The following BNIP2 variants were observed in gnomAD, a reference collection of about 807,000 sequenced individuals.
The protein encoded by BNIP2 is BCL2 interacting protein 2.
A neutral mutation model predicts 43.4 loss-of-function variants in BNIP2; 36 were observed. The observed-to-expected ratio is 0.83, with a 90% CI of 0.64 to 1.10. The LOEUF (loss-of-function observed/expected upper bound fraction) is 1.10, where lower values mean the gene tolerates loss of function less well. Ranked by LOEUF, BNIP2 falls within the 50% of genes least tolerant of loss-of-function variation. The pLI, the probability that BNIP2 is intolerant of heterozygous loss-of-function variation, is 0.00. For synonymous variants in BNIP2, 146 were observed against 121.0 expected (o/e 1.21, Z -1.35); for missense variants, 417 against 374.1 (o/e 1.11, Z -0.95).
intron 1 of BNIP2, chr15:59,688,887 A>G: frequency 6.8e-7 from 1 of 1,470,844 alleles, no homozygotes; most frequent in Non-Finnish European, 8.9e-7. Context: ...AGAAACGGAA[A>G]AGCGACGGGG....
chr15:59,679,568 G>A (rs368591440), intron 4 of BNIP2, 24 bp downstream of exon 4: 20 of 1,602,580 alleles, frequency 1.2e-5, no homozygotes, highest in Non-Finnish European at 1.5e-5. Flanking sequence ...ATAAAGATCA[G>A]ATTAAAAACA....
chr15:59,681,449 AT>A (rs34488048), intron 2 of BNIP2, among the ~76,000 whole-genome samples: 32,628 of 136,334 alleles, frequency 0.24, 3,238 homozygotes, highest in East Asian at 0.49. Flanking sequence ...GAACCCACAA[AT>A]TTTTTTTTTT....
At chr15:59,677,128 A>G in intron 5 of BNIP2, 1 of 1,602,102 alleles carries the variant, frequency 6.2e-7, no homozygotes, top group Non-Finnish European at 8.6e-7. Flanking sequence ...ATTGTCATCA[A>G]TGAGGCTATT....
rs188256255 is a variant in BNIP2 at position 59,661,529 on chromosome 15, G to T, written c.*2540C>A. 1.3e-5 allele frequency: 2 copies of T among 152,120 alleles called. No homozygotes were observed. The highest frequency in any genetic ancestry group is 3.9e-4 in the East Asian group (2 of 5,184). The allele number at this position is 152,120 out of a possible 1,614,324, so 9.4% of individuals were successfully genotyped here. On this transcript the variant is annotated 3_prime_UTR_variant, in exon 10 of 10. Coordinates refer to ENST00000607373, the MANE Select transcript of BNIP2 (RefSeq NM_004330.4). ...AAGATTGTTAAGCTTAAATTGTGGG[G>T]TGAATAGAACGTCTTCCCTTGGTGC...
chr15:59,674,385 C>A (rs1893135738), intron 5 of BNIP2, among the ~76,000 whole-genome samples: 1 of 152,036 alleles, frequency 6.6e-6, no homozygotes, highest in East Asian at 1.9e-4. Flanking sequence ...GTCTTATTTT[C>A]CCCTATAAAA....
At chr15:59,677,337 A>T (rs1384764411) in intron 5 of BNIP2, 6 of 1,556,386 alleles carry the variant, frequency 3.9e-6, no homozygotes, top group Non-Finnish European at 5.2e-6. Context: ...AGCGTTCAGA[A>T]GGCCAGCATC....
chr15:59,671,407 T>A, intron 6 of BNIP2, 93 bp from the exon 7 acceptor site: 1 of 1,101,082 alleles, frequency 9.1e-7, no homozygotes, highest in Non-Finnish European at 1.2e-6. Context: ...TTCCTTCCTC[T>A]CTCCTACAAT....
intron 1 of BNIP2, among the ~76,000 whole-genome samples, 160 bp from the exon 2 acceptor site, chr15:59,682,674 AAAG>A (rs1160951692): frequency 2.6e-5 from 4 of 152,034 alleles, no homozygotes; most frequent in East Asian, 1.9e-4. Context: ...TTTTTAAAGA[AAAG>A]AGAATACTCA....
At chr15:59,675,395 G>A (rs1893214132) in intron 5 of BNIP2, among the ~76,000 whole-genome samples, 1 of 151,898 alleles carries the variant, frequency 6.6e-6, no homozygotes, top group Non-Finnish European at 1.5e-5. Context: ...CAAATCACGA[G>A]GTCAGGTGAT....
intron 1 of BNIP2, 114 bp downstream of exon 1, chr15:59,689,021 T>TG (rs1400930466): frequency 1.7e-5 from 24 of 1,448,942 alleles, no homozygotes; most frequent in Non-Finnish European, 2.0e-5. Flanking sequence ...GGTAACTCTC[T>TG]GGGTTTCCTC....
chr15:59,682,524 G>A lies in BNIP2; in HGVS notation c.-57-10C>T, dbSNP rs201321319. The A allele has an allele frequency of 8.2e-6, 13 of 1,583,250 alleles. No individual in the cohort carries two copies. The African/African-American group carries it at 1.4e-4, about 17-fold the overall frequency. On this transcript the variant is annotated splice_polypyrimidine_tract_variant and intron_variant, in intron 1 of 9. Coordinates refer to ENST00000607373, the MANE Select transcript of BNIP2 (RefSeq NM_004330.4). ...CCAGGGAGCCAATGTCCTATGAAGAGAGAAAAATGTATAACTTAATTTCCA... is the reference window on the plus strand; with the variant it reads ...CCAGGGAGCCAATGTCCTATGAAGAAAGAAAAATGTATAACTTAATTTCCA...
intron 1 of BNIP2, chr15:59,688,800 C>T: frequency 6.5e-7 from 1 of 1,535,436 alleles, no homozygotes; most frequent in Middle Eastern, 1.7e-4. Flanking sequence ...CATCGTAGCC[C>T]AGCCACTTCA....
chr15:59,659,491 G>A lies in BNIP2; in HGVS notation c.*4578C>T, dbSNP rs779185966. On this transcript the variant is annotated 3_prime_UTR_variant, in exon 10 of 10. Transcript: ENST00000607373. ...AATGTCTTAACAAACTCTGAATTGT[G>A]TTCTGTGTGAATAGTGCTCCAAGGG... 1.3e-5 allele frequency: 2 copies of A among 152,208 alleles called. No homozygotes were observed. The highest frequency in any genetic ancestry group is 2.9e-5 in the Non-Finnish European group (2 of 68,040). 9.4% of individuals were successfully genotyped at this position (152,208 alleles called of 1,614,324 possible).
intron 1 of BNIP2, 117 bp downstream of exon 1, chr15:59,689,018 C>A: frequency 6.9e-7 from 1 of 1,448,898 alleles, no homozygotes; most frequent in Non-Finnish European, 9.0e-7. Flanking sequence ...AAGGGTAACT[C>A]TCTGGGTTTC....
At chr15:59,666,215 C>T (rs1892558056) in intron 9 of BNIP2, among the ~76,000 whole-genome samples, 1 of 152,120 alleles carries the variant, frequency 6.6e-6, no homozygotes, top group Admixed American at 6.5e-5. Context: ...CAACCCTCTT[C>T]CCCACAAGCC....
chr15:59,672,572 T>A (rs1477575709), intron 6 of BNIP2, 65 bp downstream of exon 6: 3 of 1,220,186 alleles, frequency 2.5e-6, no homozygotes, highest in African/African-American at 3.1e-5. Context: ...AGGTTAAGTT[T>A]CTTAAGGTGT....
intron 5 of BNIP2, chr15:59,677,342 A>G: frequency 1.3e-6 from 2 of 1,554,876 alleles, no homozygotes; most frequent in Non-Finnish European, 8.7e-7. Flanking sequence ...TCAGAAGGCC[A>G]GCATCGTCTT....
At chr15:59,678,292 T>C in intron 4 of BNIP2, 1 of 1,295,596 alleles carries the variant, frequency 7.7e-7, no homozygotes, top group African/African-American at 1.5e-5. Flanking sequence ...TCTTTAACTT[T>C]TATTGCCCAA....
chr15:59,682,550 C>T (rs547665904), intron 1 of BNIP2, 36 bp from the exon 2 acceptor site: 1 of 1,534,934 alleles, frequency 6.5e-7, no homozygotes, highest in African/African-American at 1.4e-5. Flanking sequence ...TTAATTTCCA[C>T]TTTACTTTTT....
Sources: gnomAD v4.1 joint callset for allele counts (sites outside exome capture counted in the v4.1 genomes callset) on GRCh38, gnomAD v4.1.1 for gene constraint, MANE v1.5 for transcripts, NCBI Gene and HGNC (gene_info 2026-07-23, HGNC 2026-07-21) for gene names.